The following NWD1 variants were observed in gnomAD, a reference collection of about 807,000 sequenced individuals.
NWD1 encodes NACHT and WD repeat domain containing 1, also known as NACHT domain- and WD repeat-containing protein 1.
Under a neutral mutation model 135.1 loss-of-function variants are expected in NWD1, and 129 were observed. The ratio of observed to expected loss-of-function variants is 0.96; its 90% CI spans 0.83 to 1.11. The LOEUF is 1.11. NWD1 is among the 50% of genes least tolerant of loss of function. NWD1 has a pLI of 0.00. For synonymous variants in NWD1, 773 were observed against 786.0 expected, an observed-to-expected ratio of 0.98 and a Z score of 0.28; for missense variants, 1,740 against 1,851.3, an observed-to-expected ratio of 0.94 and a Z score of 1.10.
chr19:16,731,407 A>C (rs536170402), intron 3 of NWD1, 129 bp downstream of exon 3: 62 of 588,316 alleles, frequency 1.1e-4, no homozygotes, highest in African/African-American at 1.0e-3. Context: ...CCCGGGTTCA[A>C]GCGATTCTCC....
intron 10 of NWD1, among the ~76,000 whole-genome samples, chr19:16,770,596 C>A (rs557709824): frequency 6.6e-6 from 1 of 152,196 alleles, no homozygotes; most frequent in South Asian, 2.1e-4. Flanking sequence ...TGTGACCTTG[C>A]AAACCCTTTA....
intron 12 of NWD1, among the ~76,000 whole-genome samples, chr19:16,788,061 T>A (rs1325383979): frequency 6.9e-6 from 1 of 144,366 alleles, no homozygotes; most frequent in African/African-American, 2.6e-5. Context: ...AAACTGTGTC[T>A]CTACTAAAAA....
At chr19:16,812,930 G>T (rs575780720) in intron 18 of NWD1, 5 of 772,964 alleles carry the variant, frequency 6.5e-6, no homozygotes, top group Non-Finnish European at 9.7e-6. Flanking sequence ...GGGCATTAGA[G>T]GGCCCTGCTC....
rs778996786 is a variant in NWD1 at position 16,791,361 on chromosome 19, G to C, written c.2952G>C (p.Trp984Cys). 8 of 1,613,642 alleles carry C rather than the reference G, an allele frequency of 5.0e-6. No homozygotes were observed. ...YSASGSKINA[W>C]NLETAEPVFH... ...CATTATTCTATTAGATCAATGCTTGGAATCTGGAAACTGCAGAGCCGGTAT... is the reference window on the plus strand; with the variant it reads ...CATTATTCTATTAGATCAATGCTTGCAATCTGGAAACTGCAGAGCCGGTAT... The change falls in exon 14 of 19, where the codon TGG (tryptophan) becomes TGC (cysteine). Residue 984 changes from tryptophan to cysteine, a missense_variant. Transcript: ENST00000524140.
chr19:16,738,123 T>C (rs184722231), intron 4 of NWD1: 135 of 370,848 alleles, frequency 3.6e-4, no homozygotes, highest in African/African-American at 1.7e-3. Flanking sequence ...TGTTTACACA[T>C]TGTTTAGCCC....
At chr19:16,773,667 T>G (rs1424377784) in intron 11 of NWD1, among the ~76,000 whole-genome samples, 1 of 152,172 alleles carries the variant, frequency 6.6e-6, no homozygotes, top group Non-Finnish European at 1.5e-5. Flanking sequence ...GACAGTCCTC[T>G]GAGAAGCTGA....
At position 16,750,285 on chromosome 19, in the gene NWD1, C is replaced by CT; in HGVS notation, c.1646dup (p.Thr550HisfsTer117). Reference sequence around the variant, plus strand: ...TTTGAGGAAGCCCGGAAATGGGCCTCTTTCACCGTGCCTGTCCCGCTGGCC... The same window carrying CT: ...TTTGAGGAAGCCCGGAAATGGGCCTCTTTTCACCGTGCCTGTCCCGCTGGCC... On this transcript the variant is annotated frameshift_variant, in exon 6 of 19. Coordinates refer to ENST00000524140, the MANE Select transcript of NWD1 (RefSeq NM_001007525.5). LOFTEE classifies it high-confidence loss of function. 6.2e-7 allele frequency: 1 copy of CT among 1,613,758 alleles called. No homozygotes were observed. The highest frequency in any genetic ancestry group is 8.5e-7 in the Non-Finnish European group (1 of 1,179,944).
chr19:16,740,652 T>G (rs957779517), intron 4 of NWD1, among the ~76,000 whole-genome samples: 12 of 149,582 alleles, frequency 8.0e-5, no homozygotes, highest in African/African-American at 3.0e-4. Flanking sequence ...ATTTTTTTTT[T>G]TTTTTTTTTT....
intron 5 of NWD1, among the ~76,000 whole-genome samples, chr19:16,746,046 A>G (rs1411119689): frequency 1.3e-5 from 2 of 152,102 alleles, no homozygotes; most frequent in Non-Finnish European, 2.9e-5. Flanking sequence ...CGTAACTACT[A>G]ATAGCCCACC....
intron 6 of NWD1, among the ~76,000 whole-genome samples, chr19:16,754,439 T>G (rs1264371280): frequency 1.4e-5 from 2 of 147,616 alleles, no homozygotes; most frequent in Non-Finnish European, 3.0e-5. Context: ...ATTTCTATCT[T>G]CCTCCCATCC....
rs1000561614 is a variant in NWD1 at position 16,737,370 on chromosome 19, C to T, written c.198+620C>T. 7.9e-5 allele frequency among the ~76,000 whole-genome samples: 12 copies of T among 152,016 alleles called. No individual in the cohort carries two copies. In the East Asian group the frequency reaches 1.6e-3, roughly 20 times the overall value. ...CCTTGAACTCCTGGGCTTCTGATCTCCCTGCCTTGTTCTCCCAAGTAGCTG... is the reference window on the plus strand; with the variant it reads ...CCTTGAACTCCTGGGCTTCTGATCTTCCTGCCTTGTTCTCCCAAGTAGCTG... On this transcript the variant is annotated intron_variant, in intron 4 of 18. Coordinates refer to ENST00000524140, the MANE Select transcript of NWD1 (RefSeq NM_001007525.5).
In NWD1 at chr19:16,797,946, T is replaced by C; in HGVS notation, c.3459+60T>C. On this transcript the variant is annotated intron_variant, in intron 16 of 18. Transcript: ENST00000524140. Reference sequence around the variant, plus strand: ...CCACCTCGGGAACAGACACTGATTCTTTAGGGATTTTTGGCTGCAAAATAC... The same window carrying C: ...CCACCTCGGGAACAGACACTGATTCCTTAGGGATTTTTGGCTGCAAAATAC... The C allele has an allele frequency of 2.0e-6, 3 of 1,501,812 alleles. No individual in the cohort carries two copies. The South Asian group carries it at 3.7e-5, about 19-fold the overall frequency. The allele number at this position is 1,501,812 out of a possible 1,614,324, so 93.0% of individuals were successfully genotyped here. A position where few individuals can be genotyped will look rare whatever the true frequency, so the allele number is the denominator to read the frequency against.
At chr19:16,783,433 G>C (rs957877131) in intron 12 of NWD1, among the ~76,000 whole-genome samples, 6 of 152,024 alleles carry the variant, frequency 3.9e-5, no homozygotes, top group African/African-American at 1.4e-4. Context: ...TCAGGAGTTT[G>C]AGACCAGCCT....
intron 13 of NWD1, 139 bp downstream of exon 13, chr19:16,789,329 G>A (rs1196781747): frequency 4.6e-6 from 3 of 650,060 alleles, no homozygotes; most frequent in African/African-American, 3.6e-5. Flanking sequence ...CACTTGAGAG[G>A]GTGCTATAAG....
Position 16,786,024 on chromosome 19 carries a change from C to T in NWD1, c.2732-2958C>T, listed in dbSNP as rs1347929327. On this transcript the variant is annotated intron_variant, in intron 12 of 18. Transcript: ENST00000524140. ...AGATTACAGGCGCCTGCCACCACAC[C>T]CAGCTAATTTTTGTATTTTTAGTAG... Among the ~76,000 whole-genome samples the T allele has an allele frequency of 2.0e-5, 3 of 152,008 alleles. No individual in the cohort carries two copies. The East Asian group carries it at 5.8e-4, about 29-fold the overall frequency.
chr19:16,726,430 GT>G (rs1967331685), intron 2 of NWD1, among the ~76,000 whole-genome samples: 1 of 151,562 alleles, frequency 6.6e-6, no homozygotes, highest in African/African-American at 2.4e-5. Context: ...ATTTTAAACT[GT>G]TTTCTTTCTT....
chr19:16,721,947 A>G (rs1300024805), intron 1 of NWD1, among the ~76,000 whole-genome samples: 2 of 152,004 alleles, frequency 1.3e-5, no homozygotes, highest in African/African-American at 4.8e-5. Context: ...TCCCGTCCCT[A>G]CAAAAAATAA....
chr19:16,804,545 T>C (rs770816440), intron 17 of NWD1, among the ~76,000 whole-genome samples: 2 of 150,834 alleles, frequency 1.3e-5, no homozygotes, highest in African/African-American at 2.4e-5. Flanking sequence ...CAGTGAGCTA[T>C]GATAATGCCA....
chr19:16,741,247 AG>A (rs959466079), intron 4 of NWD1, among the ~76,000 whole-genome samples: 6 of 152,090 alleles, frequency 3.9e-5, no homozygotes, highest in African/African-American at 1.4e-4. Context: ...CCCTTCCTAC[AG>A]CAGCCATGCT....
Sources: gnomAD v4.1 joint callset for allele counts (sites outside exome capture counted in the v4.1 genomes callset) on GRCh38, gnomAD v4.1.1 for gene constraint, MANE v1.5 for transcripts, NCBI Gene and HGNC (gene_info 2026-07-23, HGNC 2026-07-21) for gene names.